TLN2: variants seen among roughly 807,000 people sequenced by gnomAD.
The protein encoded by TLN2 is talin 2.
A neutral mutation model predicts 294.7 loss-of-function variants in TLN2; 118 were observed. That is an observed-to-expected ratio of 0.40 (90% confidence interval 0.34 to 0.47). TLN2 has a LOEUF of 0.47. Ranked by LOEUF, TLN2 falls within the 20% of genes least tolerant of loss-of-function variation. The pLI is 0.84. For missense variants in TLN2, 3,083 were observed against 3,282.2 expected (o/e 0.94, Z 1.48); for synonymous variants, 1,431 against 1,304.5 (o/e 1.10, Z -2.09).
chr15:62,553,472 G>A (rs1185448330), intron 1 of TLN2, among the ~76,000 whole-genome samples: 2 of 152,024 alleles, frequency 1.3e-5, no homozygotes, highest in South Asian at 2.1e-4. Context: ...GCGACAGAGC[G>A]AGACTCCGTC....
intron 1 of TLN2, among the ~76,000 whole-genome samples, chr15:62,525,058 C>T (rs773371671): frequency 1.4e-4 from 21 of 152,180 alleles, no homozygotes; most frequent in Admixed American, 2.6e-4. Flanking sequence ...CATTTCACAA[C>T]CTCCTTTTGT....
chr15:62,587,725 G>A (rs906526590), intron 1 of TLN2, among the ~76,000 whole-genome samples: 2 of 152,132 alleles, frequency 1.3e-5, no homozygotes, highest in African/African-American at 4.8e-5. Context: ...CAAAGGGCAT[G>A]CCATCTTATA....
rs775788900 is a variant in TLN2, at chr15:62,712,024, G to A, written c.2581G>A (p.Ala861Thr). ...CATGGAGAATTCAAAGAAGCTCCTGGCAGCAGCAAAACTCTTAGCTGACTC... is the reference window on the plus strand; with the variant it reads ...CATGGAGAATTCAAAGAAGCTCCTGACAGCAGCAAAACTCTTAGCTGACTC... ...IDMENSKKLL[A>T]AAKLLADSTA... The change falls in exon 22 of 59, where the codon GCA becomes ACA. Residue 861 changes from alanine (A) to threonine (T), a missense_variant. Transcript: ENST00000636159. 6.2e-7 allele frequency: 1 copy of A among 1,614,224 alleles called. No individual in the cohort carries two copies. The highest frequency in any genetic ancestry group is 8.5e-7 in the Non-Finnish European group (1 of 1,180,034).
rs1421555755 is a variant in TLN2, at chr15:62,647,442, G to A, written c.132G>A (p.Gly44=). 6.2e-7 allele frequency: 1 copy of A among 1,614,080 alleles called. No individual in the cohort carries two copies. Among genetic ancestry groups the A allele is most frequent in the Non-Finnish European group, 8.5e-7 (1 of 1,180,042 alleles). Residue 44 remains glycine (G), a synonymous_variant, in exon 4 of 59, where the codon GGG becomes GGA. Transcript: ENST00000636159. Reference sequence around the variant, plus strand: ...AACGGGTGCCTGAGGCACAAACTGGGCAAGGTAGGTCATGGGTTATTTACT... The same window carrying A: ...AACGGGTGCCTGAGGCACAAACTGGACAAGGTAGGTCATGGGTTATTTACT... ...IRERVPEAQT[G]QASDYGLFLS...
rs374335533 is a variant in TLN2, at chr15:62,634,772, G to A, written c.-36-12503G>A. On this transcript the variant is annotated intron_variant, in intron 3 of 58. Coordinates refer to ENST00000636159, the MANE Select transcript of TLN2 (RefSeq NM_015059.3). Reference sequence around the variant, plus strand: ...TAATTCGGGTTCGATCTGGTAGGCAGTTCTAAAAACCTGGGCTTGCAGAAA... The same window carrying A: ...TAATTCGGGTTCGATCTGGTAGGCAATTCTAAAAACCTGGGCTTGCAGAAA... 1.2e-4 allele frequency among the ~76,000 whole-genome samples: 18 copies of A among 152,368 alleles called. No individual in the cohort carries two copies. The East Asian group carries it at 3.3e-3, about 28-fold the overall frequency.
chr15:62,689,623 C>T (rs531722757), intron 12 of TLN2, among the ~76,000 whole-genome samples: 2 of 151,962 alleles, frequency 1.3e-5, no homozygotes, highest in African/African-American at 4.8e-5. Flanking sequence ...ATTTCCCCTT[C>T]ATTCATGAAG....
At chr15:62,488,916 A>G (rs1433233872) in intron 1 of TLN2, among the ~76,000 whole-genome samples, 2 of 152,210 alleles carry the variant, frequency 1.3e-5, no homozygotes, top group African/African-American at 2.4e-5. Flanking sequence ...TAATCGCAGC[A>G]CTTTGGGAGG....
intron 45 of TLN2, among the ~76,000 whole-genome samples, 179 bp from the exon 46 acceptor site, chr15:62,792,462 C>T (rs1404082819): frequency 6.6e-6 from 1 of 152,150 alleles, no homozygotes; most frequent in Non-Finnish European, 1.5e-5. Flanking sequence ...TTTACAGTCT[C>T]TCAAAAGGGA....
chr15:62,710,661 T>A (rs1219185445), intron 21 of TLN2, among the ~76,000 whole-genome samples: 1 of 151,622 alleles, frequency 6.6e-6, no homozygotes, highest in Non-Finnish European at 1.5e-5. Flanking sequence ...GGTATTTTAG[T>A]GAACCACTAA....
intron 1 of TLN2, among the ~76,000 whole-genome samples, chr15:62,460,055 G>T (rs1252921228): frequency 1.3e-5 from 2 of 152,172 alleles, no homozygotes; most frequent in Non-Finnish European, 2.9e-5. Context: ...GGCTTCAGAT[G>T]TCTGCCGAGG....
At chr15:62,809,851 T>C (rs1356414837) in intron 51 of TLN2, 74 bp from the exon 52 acceptor site, 1 of 1,433,736 alleles carries the variant, frequency 7.0e-7, no homozygotes, top group African/African-American at 1.4e-5. Flanking sequence ...TTAAGGTCTC[T>C]TGCCTCTGAG....
At chr15:62,527,097 G>A (rs1007180619) in intron 1 of TLN2, among the ~76,000 whole-genome samples, 3 of 152,166 alleles carry the variant, frequency 2.0e-5, no homozygotes, top group Non-Finnish European at 4.4e-5. Flanking sequence ...AAATTGTTGA[G>A]ACAAGTGCCT....
rs1383871312 is a variant in TLN2 at position 62,619,493 on chromosome 15, TAGTGGG to T, written c.-37+1019_-37+1024del. Among the ~76,000 whole-genome samples the T allele has an allele frequency of 7.9e-5, 12 of 152,378 alleles. No individual in the cohort carries two copies. In the East Asian group the frequency reaches 2.3e-3, roughly 29 times the overall value. On this transcript the variant is annotated intron_variant, in intron 3 of 58. Transcript: ENST00000636159. ...GCACTCGATTTTTCATTAACAACTG[TAGTGGG>T]TTGAATAGTGTGACCCACCTGCCCC... is the stretch of plus-strand genomic sequence containing the variant.
intron 51 of TLN2, 126 bp downstream of exon 51, chr15:62,805,911 CA>C: frequency 9.5e-7 from 1 of 1,049,680 alleles, no homozygotes; most frequent in Non-Finnish European, 1.3e-6. Flanking sequence ...CACACAGGGC[CA>C]GGGGTAGTGG....
intron 1 of TLN2, among the ~76,000 whole-genome samples, chr15:62,393,045 A>G (rs775683566): frequency 2.0e-5 from 3 of 152,018 alleles, no homozygotes; most frequent in African/African-American, 4.8e-5. Flanking sequence ...CCCAGAGCCC[A>G]AGATATATTT....
intron 3 of TLN2, among the ~76,000 whole-genome samples, chr15:62,641,735 C>A (rs1007241612): frequency 4.6e-5 from 7 of 152,168 alleles, no homozygotes; most frequent in African/African-American, 1.7e-4. Context: ...GTTATTATCT[C>A]CCATTTTGTA....
chr15:62,562,843 G>T (rs1393066935), intron 1 of TLN2, among the ~76,000 whole-genome samples: 1 of 148,458 alleles, frequency 6.7e-6, no homozygotes, highest in African/African-American at 2.5e-5. Context: ...ATAGTCTCCA[G>T]TTCCATCTAG....
intron 2 of TLN2, among the ~76,000 whole-genome samples, chr15:62,595,297 G>A (rs1401498796): frequency 6.6e-6 from 1 of 151,196 alleles, no homozygotes; most frequent in Non-Finnish European, 1.5e-5. Context: ...GTGGGCGCCT[G>A]TAATCCCAGC....
Position 62,673,842 on chromosome 15 carries a change from G to T in TLN2, c.804G>T (p.Leu268=). The change falls in exon 10 of 59, where the codon CTG becomes CTT. Residue 268 remains leucine, a synonymous_variant. Transcript: ENST00000636159. ...KPGFLDLKEF[L]PKEYIKQRGA... ...TCTCTCTTAGTCTGAAGGAATTCCT[G>T]CCCAAAGAATATATCAAGCAGAGAG... 1 of 1,612,994 alleles carries T rather than the reference G, an allele frequency of 6.2e-7. No homozygotes were observed. Among genetic ancestry groups the T allele is most frequent in the South Asian group, 1.1e-5 (1 of 90,976 alleles).
Sources: gnomAD v4.1 joint callset for allele counts (sites outside exome capture counted in the v4.1 genomes callset) on GRCh38, gnomAD v4.1.1 for gene constraint, MANE v1.5 for transcripts, NCBI Gene and HGNC (gene_info 2026-07-23, HGNC 2026-07-21) for gene names.